Variants in RALYL observed in about 807,000 individuals in gnomAD.
The protein encoded by RALYL is RALY RNA binding protein like.
RALYL carries 29 observed loss-of-function variants against 35.1 expected under a neutral mutation model. That is an observed-to-expected ratio of 0.83 (90% CI 0.61 to 1.13). RALYL has a LOEUF of 1.13. Ranked by LOEUF, RALYL falls within the 50% of genes most tolerant of loss-of-function variation. RALYL has a pLI of 0.00. For synonymous variants in RALYL, 120 were observed against 127.6 expected (o/e 0.94, Z 0.40); for missense variants, 359 against 360.4 (o/e 1.00, Z 0.03).
chr8:84,739,132 T>C (rs933891201), intron 2 of RALYL, among the ~76,000 whole-genome samples: 1 of 152,060 alleles, frequency 6.6e-6, no homozygotes, highest in African/African-American at 2.4e-5. Flanking sequence ...TCATATGTTA[T>C]ATCTTCCTTA....
chr8:84,253,366 T>A (rs1313904126), intron 1 of RALYL, among the ~76,000 whole-genome samples: 20 of 140,278 alleles, frequency 1.4e-4, no homozygotes, highest in African/African-American at 4.9e-4. Context: ...ATTTTTGTAT[T>A]TTTTTTTTTT....
intron 2 of RALYL, among the ~76,000 whole-genome samples, chr8:84,666,545 T>G (rs1832090797): frequency 2.0e-5 from 3 of 152,070 alleles, no homozygotes; most frequent in Admixed American, 2.0e-4. Flanking sequence ...TTGTGCCAAC[T>G]GAGGAGTTAC....
chr8:84,388,685 GTTGT>G (rs546943541), intron 1 of RALYL, among the ~76,000 whole-genome samples: 292 of 152,104 alleles, frequency 1.9e-3, no homozygotes, highest in African/African-American at 6.8e-3. Context: ...TTTTGATGGG[GTTGT>G]TTGTTTTTTT....
intron 2 of RALYL, among the ~76,000 whole-genome samples, chr8:84,640,646 A>G (rs895334866): frequency 8.6e-5 from 13 of 151,956 alleles, no homozygotes; most frequent in Non-Finnish European, 1.0e-4. Context: ...GGCCACAACA[A>G]TAGTTACAAC....
intron 4 of RALYL, among the ~76,000 whole-genome samples, chr8:84,834,187 T>A (rs1332742925): frequency 6.6e-6 from 1 of 152,180 alleles, no homozygotes; most frequent in Non-Finnish European, 1.5e-5. Context: ...AAACATGGAA[T>A]ATAAAAACAC....
intron 2 of RALYL, among the ~76,000 whole-genome samples, chr8:84,637,524 C>T (rs1358206648): frequency 3.3e-5 from 5 of 151,750 alleles, no homozygotes; most frequent in African/African-American, 1.2e-4. Context: ...AAGAAAGTGA[C>T]TTTATTTACC....
chr8:84,893,218 T>C (rs1844178244), intron 8 of RALYL, among the ~76,000 whole-genome samples: 1 of 152,150 alleles, frequency 6.6e-6, no homozygotes, highest in Admixed American at 6.5e-5. Flanking sequence ...GAATAAACAA[T>C]ATTCAAATCA....
intron 1 of RALYL, among the ~76,000 whole-genome samples, chr8:84,462,600 C>CTTT (rs754020253): frequency 2.9e-4 from 30 of 103,044 alleles, no homozygotes; most frequent in Non-Finnish European, 4.4e-4. Flanking sequence ...TATCTAGATT[C>CTTT]ATTTTTTTTT....
At chr8:84,396,221 T>C (rs147790859) in intron 1 of RALYL, among the ~76,000 whole-genome samples, 3 of 151,986 alleles carry the variant, frequency 2.0e-5, no homozygotes, top group Non-Finnish European at 4.4e-5. Context: ...AAGAATAATA[T>C]CTATGGTCTA....
chr8:84,259,765 C>A (rs1831880274), intron 1 of RALYL, among the ~76,000 whole-genome samples: 1 of 151,994 alleles, frequency 6.6e-6, no homozygotes, highest in Non-Finnish European at 1.5e-5. Context: ...AGAAAAACAA[C>A]AGAAAAGTGT....
intron 2 of RALYL, among the ~76,000 whole-genome samples, chr8:84,718,819 A>G (rs527260168): frequency 1.3e-5 from 2 of 152,262 alleles, no homozygotes; most frequent in East Asian, 3.9e-4. Context: ...ATGACTTTTA[A>G]AAAGCAAGGC....
chr8:84,701,206 C>G (rs1052031977), intron 2 of RALYL, among the ~76,000 whole-genome samples: 1 of 152,148 alleles, frequency 6.6e-6, no homozygotes, highest in African/African-American at 2.4e-5. Flanking sequence ...GTTGAGATAT[C>G]ACTTCCTATC....
chr8:84,905,009 T>G (rs1359279184), intron 8 of RALYL, among the ~76,000 whole-genome samples: 1 of 152,180 alleles, frequency 6.6e-6, no homozygotes, highest in African/African-American at 2.4e-5. Flanking sequence ...ACAGTATTGT[T>G]GACTATGCAA....
chr8:84,688,820 A>G (rs1224532128), intron 2 of RALYL, among the ~76,000 whole-genome samples: 1 of 152,144 alleles, frequency 6.6e-6, no homozygotes, highest in Non-Finnish European at 1.5e-5. Flanking sequence ...TTTGCAAACA[A>G]TACATCTCAA....
intron 2 of RALYL, among the ~76,000 whole-genome samples, chr8:84,730,839 A>C (rs1368661560): frequency 6.6e-5 from 10 of 152,168 alleles, no homozygotes; most frequent in Admixed American, 6.6e-4. Context: ...GAATTAAAAA[A>C]CAAAGGCTGA....
intron 1 of RALYL, among the ~76,000 whole-genome samples, chr8:84,486,710 C>G (rs1039938776): frequency 1.3e-5 from 2 of 151,752 alleles, no homozygotes; most frequent in African/African-American, 4.8e-5. Context: ...TCATAAAAAA[C>G]AATAAGTGGT....
intron 2 of RALYL, among the ~76,000 whole-genome samples, chr8:84,552,128 T>C (rs1012959411): frequency 6.6e-6 from 1 of 151,180 alleles, no homozygotes; most frequent in African/African-American, 2.4e-5. Context: ...AGTTTTTTTT[T>C]TTTTTGACTA....
At chr8:84,899,699 G>A (rs1845346304) in intron 8 of RALYL, among the ~76,000 whole-genome samples, 1 of 152,144 alleles carries the variant, frequency 6.6e-6, no homozygotes, top group Non-Finnish European at 1.5e-5. Context: ...AGTCAACACA[G>A]CAGTATTGAC....
chr8:84,586,680 A>G lies in RALYL; in HGVS notation c.256+57103A>G, dbSNP rs116917163. 6.0e-3 allele frequency among the ~76,000 whole-genome samples: 920 copies of G among 152,306 alleles called. 3 individuals are homozygous for G. The highest frequency in any genetic ancestry group is 0.011 in the South Asian group (55 of 4,834). On this transcript the variant is annotated intron_variant, in intron 2 of 8. Coordinates refer to ENST00000521268, the MANE Select transcript of RALYL (RefSeq NM_173848.7). Reference sequence around the variant, plus strand: ...TACAGTTGAGTTTGAAAATCATACTAAGCAATGTTTTCCCTTCTCAAAAAA... The same window carrying G: ...TACAGTTGAGTTTGAAAATCATACTGAGCAATGTTTTCCCTTCTCAAAAAA...
Sources: allele counts gnomAD v4.1 joint callset (sites outside exome capture counted in the v4.1 genomes callset), GRCh38; gene constraint gnomAD v4.1.1; transcripts MANE v1.5; gene names NCBI Gene and HGNC (gene_info 2026-07-23, HGNC 2026-07-21).